Variants in CEP83 observed in about 807,000 individuals in gnomAD.
CEP83 encodes centrosomal protein 83, also known as centrosomal protein of 83 kDa.
A neutral mutation model predicts 101.9 loss-of-function variants in CEP83; 70 were observed. That is an observed-to-expected ratio of 0.69 (90% CI 0.57 to 0.84). CEP83 has a LOEUF of 0.84. Among genes scored for constraint, CEP83 ranks in the 40% least tolerant of loss-of-function variants. CEP83 has a pLI of 0.00. For missense variants in CEP83, 715 were observed against 787.2 expected, an observed-to-expected ratio of 0.91 and a Z score of 1.10; for synonymous variants, 264 against 267.9, an observed-to-expected ratio of 0.99 and a Z score of 0.14.
At chr12:94,340,320 CCACTCCACA>C (rs1302252293) in intron 11 of CEP83, among the ~76,000 whole-genome samples, 2 of 152,156 alleles carry the variant, frequency 1.3e-5, no homozygotes, top group Admixed American at 6.5e-5. Flanking sequence ...CCTCCTTCAC[CCACTCCACA>C]CAGAGACATG....
the CEP83 span, among the ~76,000 whole-genome samples, chr12:94,288,196 A>T: frequency 6.6e-6 from 1 of 152,194 alleles, no homozygotes; most frequent in Non-Finnish European, 1.5e-5. Context: ...CTTCTCTTAA[A>T]ATCCCAGGGT....
chr12:94,441,006 C>T (rs2066360365), intron 1 of CEP83, among the ~76,000 whole-genome samples: 1 of 152,206 alleles, frequency 6.6e-6, no homozygotes, highest in Non-Finnish European at 1.5e-5. Flanking sequence ...GGAATCTCAA[C>T]TCTCACCTTA....
chr12:94,276,321 C>T, the CEP83 span, among the ~76,000 whole-genome samples: 2 of 152,140 alleles, frequency 1.3e-5, no homozygotes, highest in African/African-American at 4.8e-5. Context: ...GGCAAGACCC[C>T]AACAAGATCG....
intron 11 of CEP83, among the ~76,000 whole-genome samples, chr12:94,344,533 AAAAGT>A (rs749673183): frequency 2.7e-5 from 4 of 150,026 alleles, no homozygotes; most frequent in Non-Finnish European, 6.0e-5. Flanking sequence ...ATCAATACAT[AAAAGT>A]AAACTATATT....
intron 14 of CEP83, among the ~76,000 whole-genome samples, chr12:94,321,155 C>G (rs566322784): frequency 6.6e-5 from 10 of 152,176 alleles, no homozygotes; most frequent in Non-Finnish European, 1.3e-4. Flanking sequence ...AGCTTGGTCT[C>G]TCTCTTCTGC....
At chr12:94,335,811 T>C in intron 11 of CEP83, 147 bp from the exon 12 acceptor site, 1 of 621,030 alleles carries the variant, frequency 1.6e-6, no homozygotes, top group South Asian at 1.9e-5. Context: ...CTAGGTTGTG[T>C]TCACGTATAA....
At chr12:94,305,527 C>T, downstream of CEP83, 2 of 436,454 alleles carry the variant, frequency 4.6e-6, no homozygotes, top group Non-Finnish European at 4.1e-6. Flanking sequence ...CAAACAGCCT[C>T]CTTGTTTACA....
At chr12:94,340,513 T>C (rs1249500470) in intron 11 of CEP83, among the ~76,000 whole-genome samples, 3 of 152,058 alleles carry the variant, frequency 2.0e-5, no homozygotes, top group East Asian at 1.9e-4. Context: ...CTTGGCTCAC[T>C]GTAACCTCCG....
chr12:94,274,753 C>T, the CEP83 span, among the ~76,000 whole-genome samples: 16 of 152,306 alleles, frequency 1.1e-4, no homozygotes, highest in South Asian at 2.1e-4. Context: ...TTTAAGAACA[C>T]GGAGCTTGAG....
intron 2 of CEP83, among the ~76,000 whole-genome samples, chr12:94,425,860 C>T (rs887502434): frequency 2.0e-5 from 3 of 152,144 alleles, no homozygotes; most frequent in Non-Finnish European, 4.4e-5. Flanking sequence ...GTGGCTCACG[C>T]CTGTAATCCC....
chr12:94,407,269 A>G (rs1018856076), intron 4 of CEP83, among the ~76,000 whole-genome samples: 3 of 152,144 alleles, frequency 2.0e-5, no homozygotes, highest in Admixed American at 6.5e-5. Flanking sequence ...AAACCCATAG[A>G]CCTATGGAAC....
At chr12:94,369,795 C>T (rs1593473284) in intron 9 of CEP83, 127 bp downstream of exon 9, 1 of 593,666 alleles carries the variant, frequency 1.7e-6, no homozygotes, top group Non-Finnish European at 3.0e-6. Flanking sequence ...TTCATATGTA[C>T]TCCAAAATTA....
At chr12:94,299,607 T>C in the CEP83 span, among the ~76,000 whole-genome samples, 2 of 152,188 alleles carry the variant, frequency 1.3e-5, no homozygotes, top group Admixed American at 1.3e-4. Flanking sequence ...TTGCCCAGGC[T>C]GCAGTGCAGT....
rs74831716 is a variant in CEP83 at position 94,345,401 on chromosome 12, G to A, written c.1344-9737C>T. 4.6e-5 allele frequency among the ~76,000 whole-genome samples: 7 copies of A among 152,166 alleles called. No individual in the cohort carries two copies. In the East Asian group the frequency reaches 7.7e-4, roughly 17 times the overall value. ...AAACAATACATGTATCTTTGTTACC[G>A]TATTAGGCCCTTTGTTTATGGCTCG... On this transcript the variant is annotated intron_variant, in intron 11 of 16. Transcript: ENST00000397809.
At chr12:94,300,975 C>T in the CEP83 span, 1 of 1,613,758 alleles carries the variant, frequency 6.2e-7, no homozygotes. Flanking sequence ...ATTAAGAAGA[C>T]ACCACATATA....
intron 4 of CEP83, among the ~76,000 whole-genome samples, chr12:94,408,636 G>A (rs1400652614): frequency 6.6e-6 from 1 of 151,938 alleles, no homozygotes; most frequent in Non-Finnish European, 1.5e-5. Context: ...GTAAAGTGTG[G>A]TGGTGTAACC....
chr12:94,305,868 G>A (rs530984300), downstream of CEP83: 1 of 152,262 alleles, frequency 6.6e-6, no homozygotes, highest in South Asian at 2.1e-4. Context: ...TAACAGTGTT[G>A]CAACATTGTT....
chr12:94,440,627 C>T (rs527565763), intron 1 of CEP83, among the ~76,000 whole-genome samples: 45 of 151,968 alleles, frequency 3.0e-4, no homozygotes, highest in Non-Finnish European at 5.7e-4. Flanking sequence ...GAGCAATCTA[C>T]AAATTCAATG....
At chr12:94,361,686 T>C (rs2060769241) in intron 11 of CEP83, among the ~76,000 whole-genome samples, 1 of 151,416 alleles carries the variant, frequency 6.6e-6, no homozygotes, top group Non-Finnish European at 1.5e-5. Flanking sequence ...TGGGAGAAAA[T>C]ATTAATACCT....
Sources: gnomAD v4.1 joint callset for allele counts (sites outside exome capture counted in the v4.1 genomes callset) on GRCh38, gnomAD v4.1.1 for gene constraint, MANE v1.5 for transcripts, NCBI Gene and HGNC (gene_info 2026-07-23, HGNC 2026-07-21) for gene names.